Variants in THTPA observed in about 807,000 individuals in gnomAD.
THTPA encodes thiamine triphosphatase, also known as thiamine-triphosphatase.
In THTPA, 16 loss-of-function variants were observed where a neutral mutation model predicts 16.5. The ratio of observed to expected loss-of-function variants is 0.97; its 90% CI spans 0.66 to 1.47. The LOEUF is 1.47. Among genes scored for constraint, THTPA ranks in the 40% most tolerant of loss-of-function variants. The pLI, the probability that THTPA is intolerant of heterozygous loss-of-function variation, is 0.00. For missense variants in THTPA, 281 were observed against 280.9 expected (o/e 1.00, Z 0.00); for synonymous variants, 110 against 115.5 (o/e 0.95, Z 0.30).
At chr14:23,542,765 G>T in the THTPA span, among the ~76,000 whole-genome samples, 1 of 151,712 alleles carries the variant, frequency 6.6e-6, no homozygotes, top group East Asian at 1.9e-4. Flanking sequence ...TTTGGAGATG[G>T]TGTCTCTGTT....
At chr14:23,526,233 G>C in the THTPA span, 1 of 1,536,314 alleles carries the variant, frequency 6.5e-7, no homozygotes, top group Non-Finnish European at 8.7e-7. Flanking sequence ...GTGGTGGGTG[G>C]GGCACCGGCC....
At chr14:23,522,451 G>A in the THTPA span, 1 of 1,536,224 alleles carries the variant, frequency 6.5e-7, no homozygotes, top group Non-Finnish European at 8.7e-7. Flanking sequence ...CTGTGGCTGT[G>A]GGCTCAGGGG....
rs761200974 is a variant in THTPA, at chr14:23,559,980, G to A, written c.*1140G>A. 1.2e-6 allele frequency: 2 copies of A among 1,612,944 alleles called. No individual in the cohort carries two copies. The highest frequency in any genetic ancestry group is 2.7e-5 in the African/African-American group (2 of 74,896). ...TTCTGAAGAGCTGGGTGATAGGAAG[G>A]CCACCCCGAGCTGGAACTGTGTTCC... On this transcript the variant is annotated 3_prime_UTR_variant, in exon 2 of 2. Coordinates refer to ENST00000288014, the MANE Select transcript of THTPA (RefSeq NM_024328.6).
the THTPA span, among the ~76,000 whole-genome samples, chr14:23,519,816 G>A: frequency 6.6e-6 from 1 of 152,168 alleles, no homozygotes; most frequent in Non-Finnish European, 1.5e-5. Flanking sequence ...TGATAGAGCA[G>A]AAAACCTAAA....
chr14:23,522,743 C>T, the THTPA span: 78 of 1,536,480 alleles, frequency 5.1e-5, no homozygotes, highest in Admixed American at 5.7e-4. Flanking sequence ...AACTGGCTTT[C>T]GCTCACTGGA....
the THTPA span, among the ~76,000 whole-genome samples, chr14:23,519,539 G>A: frequency 5.9e-5 from 9 of 152,100 alleles, no homozygotes; most frequent in Non-Finnish European, 1.0e-4. Flanking sequence ...CTCTCCTGTT[G>A]CCTAGATCTG....
chr14:23,525,851 A>G, the THTPA span: 2 of 1,455,248 alleles, frequency 1.4e-6, no homozygotes, highest in Non-Finnish European at 9.0e-7. This position sits in a 1 kb window ranked among gnomAD's most constrained non-coding sequence, Gnocchi z 5.9. Context: ...GAAGGGCAGG[A>G]GCAGCTGCTG....
the THTPA span, among the ~76,000 whole-genome samples, chr14:23,527,309 C>A: frequency 3.9e-5 from 6 of 152,224 alleles, no homozygotes; most frequent in Non-Finnish European, 8.8e-5. Flanking sequence ...TAAGTAGAGG[C>A]AGCTAGACAA....
At chr14:23,535,389 GGA>G in the THTPA span, 1 of 1,430,146 alleles carries the variant, frequency 7.0e-7, no homozygotes, top group South Asian at 1.5e-5. The surrounding 1 kb of genome is among the most constrained non-coding windows in gnomAD (Gnocchi z 4.5). Context: ...AGGGAGACAA[GGA>G]GAGAGCAGTG....
upstream of THTPA, chr14:23,556,094 G>A (rs1425141558): frequency 6.5e-6 from 1 of 152,700 alleles, no homozygotes; most frequent in East Asian, 1.9e-4. Context: ...AATGCAAGGG[G>A]CGGCCTCGCT....
At chr14:23,533,956 T>C in the THTPA span, 16 of 1,537,892 alleles carry the variant, frequency 1.0e-5, no homozygotes, top group East Asian at 7.3e-5. This position sits in a 1 kb window ranked among gnomAD's most constrained non-coding sequence, Gnocchi z 4.8. Context: ...CCAGTTGCAC[T>C]TGGGACACTT....
the THTPA span, chr14:23,525,649 C>T: frequency 6.5e-7 from 1 of 1,535,720 alleles, no homozygotes; most frequent in South Asian, 1.2e-5. This position sits in a 1 kb window ranked among gnomAD's most constrained non-coding sequence, Gnocchi z 5.9. Context: ...CCTCGTTGGG[C>T]AATGGGTCGG....
rs1024084611 is a variant in THTPA at position 23,556,754 on chromosome 14, T to C, written c.-4T>C. The stretch of plus-strand genomic sequence containing the variant: ...AAACGTTTGTTCAGCCAATTGCAGG[T>C]AGCATGGCCCAGGGCTTGATTGAGG... On this transcript the variant is annotated 5_prime_UTR_variant, in exon 1 of 2. Coordinates refer to ENST00000288014, the MANE Select transcript of THTPA (RefSeq NM_024328.6). 7 of 1,611,204 alleles carry C rather than the reference T, an allele frequency of 4.3e-6. No homozygotes were observed. The highest frequency in any genetic ancestry group is 5.9e-6 in the Non-Finnish European group (7 of 1,178,504).
chr14:23,523,051 T>C, the THTPA span: 4 of 1,406,782 alleles, frequency 2.8e-6, no homozygotes, highest in East Asian at 7.8e-5. The surrounding 1 kb of genome is among the most constrained non-coding windows in gnomAD (Gnocchi z 4.1). Flanking sequence ...CGGATTTCCA[T>C]GCCCCTTCCC....
At chr14:23,516,724 G>A in the THTPA span, among the ~76,000 whole-genome samples, 1 of 152,342 alleles carries the variant, frequency 6.6e-6, no homozygotes, top group East Asian at 1.9e-4. Context: ...GGTCCACAGA[G>A]TACAACTCAG....
chr14:23,522,963 T>A, the THTPA span: 1 of 1,435,830 alleles, frequency 7.0e-7, no homozygotes, highest in Non-Finnish European at 9.1e-7. Context: ...AAAGGAAGGA[T>A]GAAGGATTAG....
chr14:23,520,573 G>T, the THTPA span, among the ~76,000 whole-genome samples: 1 of 152,166 alleles, frequency 6.6e-6, no homozygotes, highest in African/African-American at 2.4e-5. This position sits in a 1 kb window ranked among gnomAD's most constrained non-coding sequence, Gnocchi z 8.7. Flanking sequence ...GAAATGAGGG[G>T]CTATTACCTG....
At chr14:23,530,918 C>T in the THTPA span, 2 of 189,872 alleles carry the variant, frequency 1.1e-5, no homozygotes, top group African/African-American at 2.4e-5. Context: ...TCTCCTGTAC[C>T]CTCTGGATCA....
the THTPA span, chr14:23,528,719 T>C: frequency 2.0e-6 from 2 of 985,302 alleles, no homozygotes; most frequent in East Asian, 2.3e-4. Context: ...TTTTTCCTAA[T>C]GTGAATAAAC....
Sources: gnomAD v4.1 joint callset for allele counts (sites outside exome capture counted in the v4.1 genomes callset) on GRCh38, gnomAD v4.1.1 for gene constraint, Gnocchi (gnomAD v3.1) non-coding constraint, MANE v1.5 for transcripts, NCBI Gene and HGNC (gene_info 2026-07-23, HGNC 2026-07-21) for gene names.